The following DNAH9 variants were observed in gnomAD, a reference collection of about 807,000 sequenced individuals.
The protein encoded by DNAH9 is dynein axonemal heavy chain 9.
A neutral mutation model predicts 471.6 loss-of-function variants in DNAH9; 345 were observed. The ratio of observed to expected loss-of-function variants is 0.73; its 90% confidence interval spans 0.67 to 0.80. The LOEUF (loss-of-function observed/expected upper bound fraction) is 0.80, where lower values mean the gene tolerates loss of function less well. DNAH9 is among the 30% of genes least tolerant of loss of function. The pLI, the probability that DNAH9 is intolerant of heterozygous loss-of-function variation, is 0.00. For missense variants in DNAH9, 5,407 were observed against 5,609.2 expected, an observed-to-expected ratio of 0.96 and a Z score of 1.15; for synonymous variants, 2,093 against 2,123.6, an observed-to-expected ratio of 0.99 and a Z score of 0.40.
chr17:11,707,253 G>A (rs564103627), intron 26 of DNAH9, among the ~76,000 whole-genome samples: 9 of 152,346 alleles, frequency 5.9e-5, no homozygotes, highest in African/African-American at 1.9e-4. Context: ...GTAATGAAGA[G>A]ATTGTCAGAA....
intron 13 of DNAH9, 30 bp downstream of exon 13, chr17:11,651,354 A>G: frequency 1.3e-6 from 2 of 1,590,740 alleles, no homozygotes. Context: ...AGTCTGACAA[A>G]AACATGGAGA....
Position 11,810,232 on chromosome 17 carries a change from G to T in DNAH9, c.8584-14G>T. The T allele has an allele frequency of 6.2e-7, 1 of 1,603,518 alleles. No individual in the cohort carries two copies. The highest frequency in any genetic ancestry group is 1.1e-5 in the South Asian group (1 of 88,724). On this transcript the variant is annotated splice_polypyrimidine_tract_variant and intron_variant, in intron 44 of 68. Transcript: ENST00000262442. ...CTTCTTTTCAGAGATTTCTGATATT[G>T]ACCATTCCTACAGATGGACCTGGCC...
At chr17:11,848,937 C>T (rs928229123) in intron 49 of DNAH9, among the ~76,000 whole-genome samples, 29 of 151,656 alleles carry the variant, frequency 1.9e-4, no homozygotes, top group African/African-American at 5.6e-4. Flanking sequence ...CCCGGGTTCA[C>T]GCCATTCTCC....
Position 11,690,035 on chromosome 17 carries a change from C to G in DNAH9, c.4213C>G (p.Leu1405Val). Reference protein sequence around the residue: ...VSFTMDQDTTLAHLLQLQLHH... With the variant: ...VSFTMDQDTTVAHLLQLQLHH... ...CTTCACTATGGACCAGGACACCACC[C>G]TAGCGCACCTGCTGCAGCTCCAGCT... Residue 1405 changes from leucine (L) to valine (V), a missense_variant, in exon 20 of 69, where the codon CTA (leucine) becomes GTA (valine). Around this residue, in one of 3 missense-constraint regions of DNAH9, gnomAD observed 4,636 missense variants for 4,900.3 expected, o/e 0.95. Coordinates refer to ENST00000262442, the MANE Select transcript of DNAH9 (RefSeq NM_001372.4). 1 of 1,614,190 alleles carries G rather than the reference C, an allele frequency of 6.2e-7. No homozygotes were observed. Among genetic ancestry groups the G allele is most frequent in the Non-Finnish European group, 8.5e-7 (1 of 1,180,036 alleles).
chr17:11,916,436 G>A (rs185641615), intron 61 of DNAH9, among the ~76,000 whole-genome samples: 77 of 152,238 alleles, frequency 5.1e-4, no homozygotes, highest in African/African-American at 1.8e-3. Flanking sequence ...TGCCTTCTTG[G>A]TGCTTTGATT....
chr17:11,653,528 T>G (rs1262517577), intron 14 of DNAH9, among the ~76,000 whole-genome samples: 1 of 152,172 alleles, frequency 6.6e-6, no homozygotes, highest in African/African-American at 2.4e-5. Context: ...CGTCCCATCA[T>G]CAAAGACTGA....
At chr17:11,621,739 G>A (rs962967458) in intron 6 of DNAH9, among the ~76,000 whole-genome samples, 7 of 152,190 alleles carry the variant, frequency 4.6e-5, no homozygotes, top group Non-Finnish European at 1.0e-4. Context: ...CGAGATCCGG[G>A]AGGAAAGACA....
At chr17:11,790,440 C>T (rs562910479) in intron 41 of DNAH9, among the ~76,000 whole-genome samples, 10 of 151,896 alleles carry the variant, frequency 6.6e-5, no homozygotes, top group Non-Finnish European at 4.4e-5. Flanking sequence ...TCTCTAAAAA[C>T]GATGTTTGCT....
At chr17:11,895,990 G>A (rs1263925395) in intron 59 of DNAH9, among the ~76,000 whole-genome samples, 1 of 152,120 alleles carries the variant, frequency 6.6e-6, no homozygotes, top group Non-Finnish European at 1.5e-5. Context: ...CTTTTTCAGA[G>A]CCTGTATTGC....
chr17:11,804,616 C>T (rs946342998), intron 43 of DNAH9, among the ~76,000 whole-genome samples: 12 of 152,168 alleles, frequency 7.9e-5, no homozygotes, highest in African/African-American at 1.7e-4. Context: ...CGGTGGCTCA[C>T]GCCTGTAATC....
intron 57 of DNAH9, among the ~76,000 whole-genome samples, chr17:11,889,559 G>A (rs938593582): frequency 6.6e-6 from 1 of 152,178 alleles, no homozygotes; most frequent in African/African-American, 2.4e-5. Flanking sequence ...TTAAACACCT[G>A]GCCCCTGAAG....
chr17:11,621,407 C>CA (rs34933930), intron 6 of DNAH9, among the ~76,000 whole-genome samples: 34,243 of 72,384 alleles, frequency 0.47, 7,440 homozygotes, highest in Middle Eastern at 0.65. Context: ...GACTCCATCT[C>CA]AAAAAAAAAA....
intron 49 of DNAH9, among the ~76,000 whole-genome samples, chr17:11,841,547 C>A (rs1012843992): frequency 3.3e-5 from 5 of 152,062 alleles, no homozygotes; most frequent in African/African-American, 1.2e-4. Context: ...AAACATAGGG[C>A]AGAGGAAGCA....
chr17:11,636,607 C>T (rs1318243942), intron 8 of DNAH9, 27 bp from the exon 9 acceptor site: 6 of 1,599,480 alleles, frequency 3.8e-6, no homozygotes, highest in Admixed American at 3.4e-5. Context: ...TGATTTTTTT[C>T]CTCTTTTTCC....
At chr17:11,725,739 C>T (rs547773021) in intron 27 of DNAH9, among the ~76,000 whole-genome samples, 6 of 152,102 alleles carry the variant, frequency 3.9e-5, no homozygotes, top group Non-Finnish European at 8.8e-5. Flanking sequence ...TGGTGGTGCA[C>T]GCCTGTAATC....
intron 57 of DNAH9, among the ~76,000 whole-genome samples, chr17:11,890,388 G>A (rs1403640946): frequency 6.6e-6 from 1 of 152,030 alleles, no homozygotes; most frequent in East Asian, 1.9e-4. Context: ...AACTAAATAA[G>A]GAAGAAAGAC....
intron 30 of DNAH9, among the ~76,000 whole-genome samples, chr17:11,743,016 G>T (rs1489691553): frequency 2.0e-5 from 3 of 151,980 alleles, no homozygotes. Context: ...CACTTTTACG[G>T]CTTTATCCCA....
At chr17:11,683,907 T>C (rs1032666741) in intron 19 of DNAH9, among the ~76,000 whole-genome samples, 2 of 152,236 alleles carry the variant, frequency 1.3e-5, no homozygotes, top group African/African-American at 4.8e-5. Flanking sequence ...TGTAGATTTA[T>C]CACTAAAGCG....
chr17:11,920,917 G>A, intron 61 of DNAH9, among the ~76,000 whole-genome samples: 1 of 152,156 alleles, frequency 6.6e-6, no homozygotes, highest in East Asian at 1.9e-4. Context: ...GAGGTGGGTG[G>A]ATCACTTGGG....
Sources: allele counts gnomAD v4.1 joint callset (sites outside exome capture counted in the v4.1 genomes callset), GRCh38; gene constraint gnomAD v4.1.1; regional missense constraint gnomAD v4.1.1; transcripts MANE v1.5; gene names NCBI Gene and HGNC (gene_info 2026-07-23, HGNC 2026-07-21).